Variants in TNS1 observed in about 807,000 individuals in gnomAD.
The protein encoded by TNS1 is tensin-1.
In TNS1, 62 loss-of-function variants were observed where a neutral mutation model predicts 168.6. The observed-to-expected ratio is 0.37, with a 90% confidence interval of 0.30 to 0.45. The LOEUF is 0.45. Among genes scored for constraint, TNS1 ranks in the 20% least tolerant of loss-of-function variants. The pLI, the probability that TNS1 is intolerant of heterozygous loss-of-function variation, is 1.00. For missense variants in TNS1, 2,240 were observed against 2,339.4 expected, an observed-to-expected ratio of 0.96 and a Z score of 0.88; for synonymous variants, 934 against 933.2, an observed-to-expected ratio of 1.00 and a Z score of -0.02.
chr2:217,810,444 G>T, intron 28 of TNS1, 125 bp from the exon 29 acceptor site: 1 of 859,028 alleles, frequency 1.2e-6, no homozygotes, highest in Non-Finnish European at 1.9e-6. Flanking sequence ...CCAGACCCTG[G>T]CAGTCAGCCC....
rs150610043 is a variant in TNS1 at position 217,950,328 on chromosome 2, T to A, written c.186+28437A>T. Among the ~76,000 whole-genome samples the A allele has an allele frequency of 6.0e-3, 918 of 152,264 alleles. 6 individuals are homozygous for A. Among genetic ancestry groups the A allele is most frequent in the Non-Finnish European group, 8.7e-3 (594 of 68,014 alleles). On this transcript the variant is annotated intron_variant, in intron 3 of 32. Coordinates refer to ENST00000682258, the MANE Select transcript of TNS1 (RefSeq NM_001387777.1). ...CCTCCACTGTCTCTCTGCCCCTTCA[T>A]CTGTGAACTCCTTGAAGCCTAGGGC... is the stretch of plus-strand genomic sequence containing the variant.
intron 19 of TNS1, among the ~76,000 whole-genome samples, chr2:217,839,945 C>G (rs1472053337): frequency 6.6e-6 from 1 of 152,200 alleles, no homozygotes; most frequent in Non-Finnish European, 1.5e-5. Context: ...CATGCCAGCT[C>G]CCCTTGAGGC....
intron 1 of TNS1, among the ~76,000 whole-genome samples, chr2:218,031,256 G>A (rs886794166): frequency 4.0e-5 from 5 of 124,026 alleles, no homozygotes; most frequent in Admixed American, 3.0e-4. Flanking sequence ...GTGTGTGAGT[G>A]TATGAGTGTG....
At chr2:217,978,625 A>C in intron 3 of TNS1, 140 bp downstream of exon 3, 2 of 262,630 alleles carry the variant, frequency 7.6e-6, no homozygotes, top group Non-Finnish European at 7.2e-6. Context: ...TCCCAGGCCC[A>C]GGCGCTTTGC....
chr2:217,815,217 T>TAC, intron 24 of TNS1: 1 of 556,984 alleles, frequency 1.8e-6, no homozygotes, highest in East Asian at 3.0e-5. Flanking sequence ...GAGACAGAGA[T>TAC]ACACACAGGG....
chr2:218,004,368 T>TC (rs142664759), upstream of TNS1, among the ~76,000 whole-genome samples: 106 of 149,326 alleles, frequency 7.1e-4, no homozygotes, highest in Middle Eastern at 3.5e-3. Context: ...ATCCCCTGCC[T>TC]CCCCCCCCCA....
intron 1 of TNS1, among the ~76,000 whole-genome samples, chr2:217,991,316 A>G (rs964285116): frequency 1.3e-5 from 2 of 150,930 alleles, no homozygotes; most frequent in Non-Finnish European, 2.9e-5. Flanking sequence ...CAGCCCCCGC[A>G]TGGCTCCTAC....
At position 217,813,914 on chromosome 2, in the gene TNS1, T is replaced by C; in HGVS notation, c.4730-98A>G. ...GAGCCTACCGACCTTCGTTCTTTCTTAGGTGAGACAAATTTTCTTTAAAGT... is the reference window on the plus strand; with the variant it reads ...GAGCCTACCGACCTTCGTTCTTTCTCAGGTGAGACAAATTTTCTTTAAAGT... On this transcript the variant is annotated intron_variant, in intron 25 of 32. Coordinates refer to ENST00000682258, the MANE Select transcript of TNS1 (RefSeq NM_001387777.1). This position sits in a 1 kb window ranked among gnomAD's most constrained non-coding sequence, Gnocchi z 4.0. The C allele has an allele frequency of 1.5e-6, 2 of 1,373,076 alleles. No homozygotes were observed. Among genetic ancestry groups the C allele is most frequent in the Non-Finnish European group, 1.9e-6 (2 of 1,051,950 alleles). The allele number at this position is 1,373,076 out of a possible 1,614,324, so 85.1% of individuals were successfully genotyped here.
rs1957164764 is a variant in TNS1 at position 217,948,360 on chromosome 2, C to T, written c.187-28124G>A. ...AGAAGGAAGGGCCACATGCCCAGGTCCCAAGGGGAGAGGCCACTGGGGCAC... is the reference window on the plus strand; with the variant it reads ...AGAAGGAAGGGCCACATGCCCAGGTTCCAAGGGGAGAGGCCACTGGGGCAC... On this transcript the variant is annotated intron_variant, in intron 3 of 32. Transcript: ENST00000682258. The surrounding 1 kb of genome is among the most constrained non-coding windows in gnomAD (Gnocchi z 4.1). 1.3e-5 allele frequency among the ~76,000 whole-genome samples: 2 copies of T among 152,174 alleles called. No homozygotes were observed. The highest frequency in any genetic ancestry group is 4.1e-4 in the South Asian group (2 of 4,824).
At chr2:217,887,133 A>G (rs1951282976) in intron 12 of TNS1, among the ~76,000 whole-genome samples, 1 of 152,242 alleles carries the variant, frequency 6.6e-6, no homozygotes, top group African/African-American at 2.4e-5. Context: ...AGTAGCCACA[A>G]GTGATAGTCT....
At chr2:217,984,765 TTTC>T (rs1330260112) in intron 2 of TNS1, among the ~76,000 whole-genome samples, 75 of 151,258 alleles carry the variant, frequency 5.0e-4, no homozygotes, top group African/African-American at 1.8e-3. Context: ...TTTTTTTTTT[TTTC>T]CCCCCAAGAC....
Position 217,847,936 on chromosome 2 carries a change from C to G in TNS1, c.2581G>C (p.Gly861Arg), listed in dbSNP as rs141087902. 54 of 1,517,366 alleles carry G rather than the reference C, an allele frequency of 3.6e-5. No individual in the cohort carries two copies. Among genetic ancestry groups the G allele is most frequent in the Non-Finnish European group, 4.6e-5 (52 of 1,129,216 alleles). 94.0% of individuals were successfully genotyped at this position (1,517,366 alleles called of 1,614,324 possible). A position where few individuals can be genotyped will look rare whatever the true frequency, so the allele number is the denominator to read the frequency against. ...AGTGGAGAAGCCCCTGGCCAGGCCC[C>G]GGGGACACTCTGGGACTTGTGTAGT... ...APLHKSQSVP[G>R]AWPGASPLSS... Residue 861 changes from glycine (G) to arginine (R), a missense_variant, in exon 19 of 33, where the codon GGG (glycine) becomes CGG (arginine). Physicochemically the swap from Gly to Arg is moderately radical, Grantham distance 125. This residue lies in a region of TNS1 where 2,131 missense variants were observed against 2,171.2 expected (regional missense o/e 0.98). Transcript: ENST00000682258.
intron 2 of TNS1, among the ~76,000 whole-genome samples, chr2:217,989,771 C>T (rs1273784593): frequency 6.6e-6 from 1 of 152,088 alleles, no homozygotes; most frequent in African/African-American, 2.4e-5. Context: ...TGCAGAACTC[C>T]CAGTGCCAAG....
rs1261237893 is a variant in TNS1 at position 217,799,920 on chromosome 2, T to C, written c.*4539A>G. The C allele has an allele frequency of 6.6e-6, 1 of 152,156 alleles. No homozygotes were observed. The highest frequency in any genetic ancestry group is 1.5e-5 in the Non-Finnish European group (1 of 68,034). 9.4% of individuals were successfully genotyped at this position (152,156 alleles called of 1,614,324 possible). On this transcript the variant is annotated 3_prime_UTR_variant, in exon 33 of 33. Coordinates refer to ENST00000682258, the MANE Select transcript of TNS1 (RefSeq NM_001387777.1). ...CCAGGATAAGGAGCATACACCAGGA[T>C]TTATACACGGTGGCAGCGGCTATAG... is the stretch of plus-strand genomic sequence containing the variant.
intron 2 of TNS1, among the ~76,000 whole-genome samples, chr2:217,987,949 G>A (rs1958243527): frequency 6.6e-6 from 1 of 152,160 alleles, no homozygotes. Flanking sequence ...CACAGACAGT[G>A]GCTTCACTCC....
intron 4 of TNS1, 134 bp from the exon 5 acceptor site, chr2:217,907,385 G>A (rs1438981094): frequency 1.6e-6 from 1 of 643,040 alleles, no homozygotes; most frequent in Non-Finnish European, 2.8e-6. Context: ...CCAAGACTCA[G>A]GCATAATCTG....
rs562507820 is a variant in TNS1, at chr2:217,812,776, C to T, written c.4955-331G>A. On this transcript the variant is annotated intron_variant, in intron 27 of 32. Coordinates refer to ENST00000682258, the MANE Select transcript of TNS1 (RefSeq NM_001387777.1). Reference sequence around the variant, plus strand: ...AGAATTGTGGGATCCAATCCCAGCTCAGTCACTTCTCACCTGTTGGTTCTC... The same window carrying T: ...AGAATTGTGGGATCCAATCCCAGCTTAGTCACTTCTCACCTGTTGGTTCTC... Among the ~76,000 whole-genome samples the T allele has an allele frequency of 8.5e-5, 13 of 152,298 alleles. No homozygotes were observed. In the East Asian group the frequency reaches 1.9e-3, roughly 23 times the overall value.
intron 2 of TNS1, 68 bp from the exon 3 acceptor site, chr2:217,978,870 C>G (rs999248277): frequency 2.9e-6 from 2 of 700,610 alleles, no homozygotes; most frequent in Non-Finnish European, 5.2e-6. Flanking sequence ...TCCGCGAAAT[C>G]TCCTCCCACC....
chr2:217,949,513 T>C (rs1381329531), intron 3 of TNS1, among the ~76,000 whole-genome samples: 1 of 152,200 alleles, frequency 6.6e-6, no homozygotes, highest in Admixed American at 6.5e-5. Flanking sequence ...ATCTAGACTA[T>C]CTGTATCTCA....
Sources: allele counts gnomAD v4.1 joint callset (sites outside exome capture counted in the v4.1 genomes callset), GRCh38; gene constraint gnomAD v4.1.1; regional missense constraint gnomAD v4.1.1; non-coding constraint Gnocchi (gnomAD v3.1); transcripts MANE v1.5; gene names NCBI Gene and HGNC (gene_info 2026-07-23, HGNC 2026-07-21).